The following SGCZ variants were observed in gnomAD, a reference collection of about 807,000 sequenced individuals.
SGCZ encodes the protein zeta-sarcoglycan.
A neutral mutation model predicts 41.3 loss-of-function variants in SGCZ; 40 were observed. That is an observed-to-expected ratio of 0.97 (90% CI 0.75 to 1.26). The LOEUF is 1.26. Ranked by LOEUF, SGCZ falls within the 50% of genes most tolerant of loss-of-function variation. SGCZ has a pLI of 0.00. For missense variants in SGCZ, 552 were observed against 369.8 expected, an observed-to-expected ratio of 1.49 and a Z score of -4.04; for synonymous variants, 206 against 137.5, an observed-to-expected ratio of 1.50 and a Z score of -3.49.
intron 1 of SGCZ, among the ~76,000 whole-genome samples, chr8:15,231,497 T>C (rs1026353354): frequency 6.6e-6 from 1 of 151,700 alleles, no homozygotes; most frequent in Admixed American, 6.6e-5. Flanking sequence ...GTGGTTAGCA[T>C]AGAAGTCTCT....
At chr8:14,501,382 A>C (rs1802148454) in intron 2 of SGCZ, among the ~76,000 whole-genome samples, 1 of 151,994 alleles carries the variant, frequency 6.6e-6, no homozygotes, top group South Asian at 2.1e-4. Context: ...GGGGAAGTCG[A>C]TACAGGAGAT....
intron 1 of SGCZ, among the ~76,000 whole-genome samples, chr8:15,171,929 A>G (rs1799841998): frequency 1.3e-5 from 2 of 152,238 alleles, no homozygotes; most frequent in South Asian, 2.1e-4. Context: ...AGCCAAGTCA[A>G]TTGAACAGAG....
chr8:14,579,153 T>G (rs1804806478), intron 1 of SGCZ, among the ~76,000 whole-genome samples: 1 of 152,154 alleles, frequency 6.6e-6, no homozygotes, highest in South Asian at 2.1e-4. Context: ...TTAGGCCCAT[T>G]TCTCATTTTT....
At chr8:14,728,754 G>C (rs1273018898) in intron 1 of SGCZ, among the ~76,000 whole-genome samples, 3 of 152,150 alleles carry the variant, frequency 2.0e-5, no homozygotes, top group Non-Finnish European at 4.4e-5. Context: ...CTTCTCAAAA[G>C]TGACAACAGG....
At chr8:14,862,719 G>A (rs1299504997) in intron 1 of SGCZ, among the ~76,000 whole-genome samples, 1 of 151,474 alleles carries the variant, frequency 6.6e-6, no homozygotes. Flanking sequence ...ATAATGTAGT[G>A]ATTATAATAA....
intron 6 of SGCZ, among the ~76,000 whole-genome samples, chr8:14,104,200 G>C (rs868687465): frequency 6.6e-6 from 1 of 152,168 alleles, no homozygotes; most frequent in African/African-American, 2.4e-5. Flanking sequence ...AGTGAAATTA[G>C]TGAATTATAA....
chr8:14,226,780 T>A (rs1806387463), intron 4 of SGCZ, among the ~76,000 whole-genome samples: 1 of 152,096 alleles, frequency 6.6e-6, no homozygotes, highest in Admixed American at 6.6e-5. Context: ...ACAGGGAAAC[T>A]GTGTTTTTAG....
intron 1 of SGCZ, among the ~76,000 whole-genome samples, chr8:14,815,413 C>T (rs578223095): frequency 3.5e-4 from 53 of 150,614 alleles, no homozygotes; most frequent in African/African-American, 1.2e-3. Flanking sequence ...TTCATAACTA[C>T]TTACTTCAAA....
At chr8:14,119,118 T>A (rs1554460972) in intron 5 of SGCZ, among the ~76,000 whole-genome samples, 1 of 152,184 alleles carries the variant, frequency 6.6e-6, no homozygotes, top group Non-Finnish European at 1.5e-5. Context: ...GGTACCTTGA[T>A]GGGGATAGCA....
chr8:14,570,621 G>C (rs919541684), intron 1 of SGCZ, among the ~76,000 whole-genome samples: 78 of 152,148 alleles, frequency 5.1e-4, no homozygotes, highest in Admixed American at 1.6e-3. Context: ...AATTTCTGAA[G>C]GAAATTGATA....
intron 2 of SGCZ, among the ~76,000 whole-genome samples, chr8:14,335,233 G>C (rs10104654): frequency 0.49 from 74,918 of 151,906 alleles, 18,886 homozygotes; most frequent in South Asian, 0.77. Flanking sequence ...AAGTCCCTTG[G>C]AGTTTTAGTG....
At chr8:14,248,642 A>T (rs1365648) in intron 3 of SGCZ, among the ~76,000 whole-genome samples, 101,486 of 151,998 alleles carry the variant, frequency 0.67, 34,282 homozygotes, top group South Asian at 0.78. Flanking sequence ...ATCTCTAACT[A>T]GAAGGAGGAT....
intron 3 of SGCZ, among the ~76,000 whole-genome samples, chr8:14,287,968 G>A (rs1000323178): frequency 6.6e-6 from 1 of 152,070 alleles, no homozygotes; most frequent in Non-Finnish European, 1.5e-5. Flanking sequence ...AGAAATTCTG[G>A]TTTGTTAGCT....
At chr8:15,027,045 C>G (rs1803483979) in intron 1 of SGCZ, among the ~76,000 whole-genome samples, 1 of 152,100 alleles carries the variant, frequency 6.6e-6, no homozygotes, top group Non-Finnish European at 1.5e-5. Context: ...TGTTTCGTAC[C>G]TGAAATGAAG....
At chr8:15,007,109 T>G (rs1217015094) in intron 1 of SGCZ, among the ~76,000 whole-genome samples, 1 of 152,180 alleles carries the variant, frequency 6.6e-6, no homozygotes, top group South Asian at 2.1e-4. Flanking sequence ...TTCCAGCCTA[T>G]GACAGACAAG....
In SGCZ at chr8:14,414,347, T is replaced by C. The variant is rs140336776; in HGVS notation, c.235-90143A>G. On this transcript the variant is annotated intron_variant, in intron 2 of 7. Coordinates refer to ENST00000382080, the MANE Select transcript of SGCZ (RefSeq NM_139167.4). ...GTATGACACTATGGTCCTCATGCTC[T>C]TGAATTAGTGTTTCTTAAATTGAGT... 4.3e-3 allele frequency among the ~76,000 whole-genome samples: 651 copies of C among 152,102 alleles called. 6 individuals are homozygous for C. Among genetic ancestry groups the C allele is most frequent in the Non-Finnish European group, 7.1e-3 (485 of 67,932 alleles).
chr8:15,002,318 T>C (rs1361727775), intron 1 of SGCZ, among the ~76,000 whole-genome samples: 1 of 152,032 alleles, frequency 6.6e-6, no homozygotes, highest in African/African-American at 2.4e-5. Context: ...TTTAAAAAGA[T>C]AGTAAGGAAA....
At chr8:14,683,813 G>T (rs943516172) in intron 1 of SGCZ, among the ~76,000 whole-genome samples, 1 of 152,048 alleles carries the variant, frequency 6.6e-6, no homozygotes, top group Non-Finnish European at 1.5e-5. Flanking sequence ...AAAATTAAGT[G>T]ATTTTCTCAT....
At chr8:14,453,718 C>T (rs1048813805) in intron 2 of SGCZ, among the ~76,000 whole-genome samples, 2 of 152,138 alleles carry the variant, frequency 1.3e-5, no homozygotes, top group Admixed American at 6.5e-5. Flanking sequence ...TGGGCAAAAG[C>T]GAGAATGTTC....
Sources: gnomAD v4.1 joint callset for allele counts (sites outside exome capture counted in the v4.1 genomes callset) on GRCh38, gnomAD v4.1.1 for gene constraint, MANE v1.5 for transcripts, NCBI Gene and HGNC (gene_info 2026-07-23, HGNC 2026-07-21) for gene names.